SNX24: variants seen among roughly 807,000 people sequenced by gnomAD.
The protein encoded by SNX24 is sorting nexin 24.
In SNX24, 22 loss-of-function variants were observed where a neutral mutation model predicts 28.7. The ratio of observed to expected loss-of-function variants is 0.77; its 90% CI spans 0.55 to 1.10. The LOEUF (loss-of-function observed/expected upper bound fraction) is 1.10. Ranked by LOEUF, SNX24 falls within the 50% of genes least tolerant of loss-of-function variation. The pLI, the probability that SNX24 is intolerant of heterozygous loss-of-function variation, is 0.00. For synonymous variants in SNX24, 69 were observed against 71.5 expected (o/e 0.96, Z 0.18); for missense variants, 221 against 201.1 (o/e 1.10, Z -0.60).
intron 3 of SNX24, among the ~76,000 whole-genome samples, chr5:122,964,247 C>CAAAAAAAAAAAAAAAAAAAAAAA (rs34174497): frequency 6.3e-4 from 23 of 36,574 alleles, no homozygotes; most frequent in Middle Eastern, 0.014. Flanking sequence ...GACTCCATCT[C>CAAAAAAAAAAAAAAAAAAAAAAA]AAAAAAAAAA....
At chr5:122,889,994 C>G (rs776685103) in intron 1 of SNX24, among the ~76,000 whole-genome samples, 15 of 151,242 alleles carry the variant, frequency 9.9e-5, no homozygotes, top group Non-Finnish European at 2.1e-4. Context: ...CTCCTTCAAT[C>G]TGGAACTGCC....
intron 1 of SNX24, among the ~76,000 whole-genome samples, chr5:122,934,287 A>AC (rs1759089962): frequency 6.6e-6 from 1 of 152,168 alleles, no homozygotes; most frequent in Non-Finnish European, 1.5e-5. Context: ...GGCAGCAGGG[A>AC]CAACATATGT....
rs530611196 is a variant in SNX24, at chr5:122,878,990, A to G, written c.60+33297A>G. ...AAATTAAAAATTAAAAAAAAGAAAT[A>G]TAATGCAAGCCACAAATGTGAGCTA... On this transcript the variant is annotated intron_variant, in intron 1 of 6. Transcript: ENST00000261369. Among the ~76,000 whole-genome samples, 19 of 152,172 alleles carry G rather than the reference A, an allele frequency of 1.2e-4. No homozygotes were observed. In the East Asian group the frequency reaches 3.3e-3, roughly 26 times the overall value.
chr5:122,874,603 A>G (rs1415058265), intron 1 of SNX24, among the ~76,000 whole-genome samples: 1 of 152,190 alleles, frequency 6.6e-6, no homozygotes, highest in African/African-American at 2.4e-5. Flanking sequence ...TCTGGTACTG[A>G]GCTACACAGC....
At chr5:122,863,337 G>A (rs1476684068) in intron 1 of SNX24, among the ~76,000 whole-genome samples, 1 of 152,066 alleles carries the variant, frequency 6.6e-6, no homozygotes, top group Non-Finnish European at 1.5e-5. Flanking sequence ...ACATGAAGTG[G>A]AAGTGTGCAT....
At chr5:122,866,167 A>G (rs1324556699) in intron 1 of SNX24, among the ~76,000 whole-genome samples, 1 of 152,142 alleles carries the variant, frequency 6.6e-6, no homozygotes, top group Non-Finnish European at 1.5e-5. Flanking sequence ...GAATGAATGA[A>G]TAACAAGAGT....
intron 3 of SNX24, among the ~76,000 whole-genome samples, chr5:122,965,021 A>G (rs1020528126): frequency 7.0e-4 from 107 of 152,292 alleles, no homozygotes; most frequent in African/African-American, 2.2e-3. Flanking sequence ...TTCATGTAGC[A>G]TATTCTCCTT....
At chr5:122,964,902 C>T (rs570148276) in intron 3 of SNX24, among the ~76,000 whole-genome samples, 1 of 152,176 alleles carries the variant, frequency 6.6e-6, no homozygotes, top group East Asian at 1.9e-4. Flanking sequence ...ACTGTGGATG[C>T]ATTATATTTT....
At chr5:122,938,078 A>G (rs1290446703) in intron 2 of SNX24, among the ~76,000 whole-genome samples, 3 of 152,072 alleles carry the variant, frequency 2.0e-5, no homozygotes, top group Non-Finnish European at 2.9e-5. Context: ...GTCAACACCT[A>G]GGACTCCATG....
At chr5:122,918,275 A>G (rs1758271586) in intron 1 of SNX24, among the ~76,000 whole-genome samples, 2 of 152,106 alleles carry the variant, frequency 1.3e-5, no homozygotes, top group Non-Finnish European at 2.9e-5. Flanking sequence ...TCAGTTTATA[A>G]CAGGGCAGTG....
chr5:122,928,456 A>G (rs893726448), intron 1 of SNX24, among the ~76,000 whole-genome samples: 5 of 152,178 alleles, frequency 3.3e-5, no homozygotes, highest in African/African-American at 1.2e-4. Context: ...AAGTGGAATC[A>G]TATGAGTCCT....
chr5:123,001,304 T>G, intron 4 of SNX24, 101 bp from the exon 5 acceptor site: 1 of 759,552 alleles, frequency 1.3e-6, no homozygotes, highest in Non-Finnish European at 2.3e-6. Flanking sequence ...TAACTACCAA[T>G]TCAGTCATCT....
chr5:122,850,504 T>C (rs1272769247), intron 1 of SNX24, among the ~76,000 whole-genome samples: 1 of 151,980 alleles, frequency 6.6e-6, no homozygotes, highest in Non-Finnish European at 1.5e-5. Context: ...TTAAAAATGA[T>C]CAGAAAGGAG....
chr5:122,918,644 AT>A (rs1758288273), intron 1 of SNX24, among the ~76,000 whole-genome samples: 1 of 152,232 alleles, frequency 6.6e-6, no homozygotes, highest in Non-Finnish European at 1.5e-5. Flanking sequence ...AATTTAATAA[AT>A]AATGTATAGA....
At chr5:122,915,582 C>T (rs897926089) in intron 1 of SNX24, among the ~76,000 whole-genome samples, 5 of 152,134 alleles carry the variant, frequency 3.3e-5, no homozygotes, top group Admixed American at 6.5e-5. Context: ...GCTATGATTA[C>T]GTCACCATAC....
chr5:122,879,489 C>T (rs968998183), intron 1 of SNX24, among the ~76,000 whole-genome samples: 5 of 152,096 alleles, frequency 3.3e-5, no homozygotes, highest in African/African-American at 1.2e-4. Flanking sequence ...GTTGCCCTGT[C>T]CTTAAGTAAA....
At chr5:122,893,014 C>T (rs1033804130) in intron 1 of SNX24, among the ~76,000 whole-genome samples, 2 of 152,070 alleles carry the variant, frequency 1.3e-5, no homozygotes, top group African/African-American at 4.8e-5. Flanking sequence ...AATCCACCCA[C>T]CTCGGCCTCC....
intron 1 of SNX24, among the ~76,000 whole-genome samples, chr5:122,933,156 A>G (rs943997973): frequency 3.3e-5 from 5 of 152,192 alleles, no homozygotes; most frequent in African/African-American, 1.2e-4. Flanking sequence ...GTTAAACTGG[A>G]CTAAAACAGC....
intron 1 of SNX24, among the ~76,000 whole-genome samples, chr5:122,887,844 A>G (rs1756784350): frequency 6.6e-6 from 1 of 152,180 alleles, no homozygotes; most frequent in Non-Finnish European, 1.5e-5. Flanking sequence ...CTGGGATTAC[A>G]AGCACCTGTT....
Sources: allele counts gnomAD v4.1 joint callset (sites outside exome capture counted in the v4.1 genomes callset), GRCh38; gene constraint gnomAD v4.1.1; transcripts MANE v1.5; gene names NCBI Gene and HGNC (gene_info 2026-07-23, HGNC 2026-07-21).